Variants in NKAIN1 observed in about 807,000 individuals in gnomAD.
NKAIN1 encodes the protein sodium/potassium-transporting ATPase subunit beta-1-interacting protein 1.
Under a neutral mutation model 31.6 loss-of-function variants are expected in NKAIN1, and 13 were observed. The observed-to-expected ratio is 0.41, with a 90% CI of 0.27 to 0.65. The LOEUF (loss-of-function observed/expected upper bound fraction) is 0.65. Ranked by LOEUF, NKAIN1 falls within the 30% of genes least tolerant of loss-of-function variation. The pLI, the probability that NKAIN1 is intolerant of heterozygous loss-of-function variation, is 0.30. For synonymous variants in NKAIN1, 104 were observed against 109.0 expected, an observed-to-expected ratio of 0.95 and a Z score of 0.28; for missense variants, 193 against 262.2, an observed-to-expected ratio of 0.74 and a Z score of 1.82.
intron 4 of NKAIN1, among the ~76,000 whole-genome samples, chr1:31,183,396 A>AC (rs1470403920): frequency 6.7e-6 from 1 of 150,218 alleles, no homozygotes; most frequent in East Asian, 2.0e-4. Context: ...ACAGATCCAG[A>AC]CAAAAGGACA....
In NKAIN1 at chr1:31,196,328, A is replaced by G. The variant is rs184954266; in HGVS notation, c.55-8141T>C. 4.2e-3 allele frequency among the ~76,000 whole-genome samples: 638 copies of G among 152,180 alleles called. 37 individuals are homozygous for G. In the East Asian group the frequency reaches 0.099, roughly 24 times the overall value. On this transcript the variant is annotated intron_variant, in intron 1 of 6. Coordinates refer to ENST00000373736, the MANE Select transcript of NKAIN1 (RefSeq NM_024522.3). Reference sequence around the variant, plus strand: ...GGAGATCGAGACCATCCTGGCTAACATGGTGAAACCCTGTCTCTACTAAAA... The same window carrying G: ...GGAGATCGAGACCATCCTGGCTAACGTGGTGAAACCCTGTCTCTACTAAAA...
At chr1:31,219,240 T>C (rs1208221463) in intron 1 of NKAIN1, among the ~76,000 whole-genome samples, 1 of 152,380 alleles carries the variant, frequency 6.6e-6, no homozygotes, top group Non-Finnish European at 1.5e-5. Flanking sequence ...TCTTTCAGCA[T>C]ATGGGAAAGC....
chr1:31,188,458 C>T, intron 1 of NKAIN1: 1 of 385,890 alleles, frequency 2.6e-6, no homozygotes, highest in Admixed American at 4.2e-5. Flanking sequence ...CAAGCTCCTG[C>T]ACCTTCTCCA....
intron 1 of NKAIN1, among the ~76,000 whole-genome samples, chr1:31,231,135 C>T (rs1050874702): frequency 4.0e-5 from 6 of 151,750 alleles, no homozygotes; most frequent in East Asian, 1.9e-4. Flanking sequence ...CCACCCGCCT[C>T]GGCCTCCCAG....
At chr1:31,195,140 T>C (rs2148352637) in intron 1 of NKAIN1, among the ~76,000 whole-genome samples, 1 of 144,738 alleles carries the variant, frequency 6.9e-6, no homozygotes, top group Non-Finnish European at 1.5e-5. Context: ...TTTTTTTTTT[T>C]TGAGTCTCGC....
At chr1:31,188,357 G>T in intron 1 of NKAIN1, 170 bp from the exon 2 acceptor site, 1 of 693,832 alleles carries the variant, frequency 1.4e-6, no homozygotes, top group Non-Finnish European at 2.4e-6. Flanking sequence ...CCTTAAGCCT[G>T]ATCATCACTT....
intron 1 of NKAIN1, among the ~76,000 whole-genome samples, chr1:31,201,193 C>A (rs922012227): frequency 1.3e-5 from 2 of 152,038 alleles, no homozygotes; most frequent in African/African-American, 4.8e-5. Flanking sequence ...CTTGCCCTTT[C>A]CCTCCTCAGA....
At chr1:31,195,465 C>T (rs768268865) in intron 1 of NKAIN1, among the ~76,000 whole-genome samples, 7 of 152,042 alleles carry the variant, frequency 4.6e-5, no homozygotes, top group African/African-American at 7.2e-5. Context: ...GCCCTGCCGC[C>T]GCGGCTGGCC....
At chr1:31,231,608 G>A (rs910832425) in intron 1 of NKAIN1, among the ~76,000 whole-genome samples, 5 of 152,128 alleles carry the variant, frequency 3.3e-5, no homozygotes, top group South Asian at 2.1e-4. Context: ...TCAGCTCACT[G>A]CAAGCTCCGC....
At chr1:31,205,946 G>T (rs535046389) in intron 1 of NKAIN1, among the ~76,000 whole-genome samples, 1 of 151,054 alleles carries the variant, frequency 6.6e-6, no homozygotes, top group African/African-American at 2.4e-5. Flanking sequence ...TAAACTCTCC[G>T]GTTTAGGCCA....
intron 3 of NKAIN1, among the ~76,000 whole-genome samples, chr1:31,184,331 CCT>C (rs1645226587): frequency 6.6e-6 from 1 of 152,114 alleles, no homozygotes; most frequent in Admixed American, 6.5e-5. Context: ...CACTGCTCCC[CCT>C]GTGTGCGACC....
chr1:31,204,768 G>A (rs192691537), intron 1 of NKAIN1, among the ~76,000 whole-genome samples: 13 of 152,290 alleles, frequency 8.5e-5, no homozygotes, highest in African/African-American at 3.1e-4. Context: ...TTAATGAAGC[G>A]GGCACTTAGG....
intron 1 of NKAIN1, among the ~76,000 whole-genome samples, chr1:31,224,007 T>C (rs1645583469): frequency 6.6e-6 from 1 of 152,198 alleles, no homozygotes. Context: ...TCTAACTCAG[T>C]ATGCAAGACA....
At chr1:31,226,984 C>T (rs1645613154) in intron 1 of NKAIN1, among the ~76,000 whole-genome samples, 1 of 151,702 alleles carries the variant, frequency 6.6e-6, no homozygotes, top group Non-Finnish European at 1.5e-5. Flanking sequence ...GCCACCACAC[C>T]CAGCTAATTT....
chr1:31,232,923 C>T (rs143207472), intron 1 of NKAIN1, among the ~76,000 whole-genome samples: 185 of 152,182 alleles, frequency 1.2e-3, no homozygotes, highest in Non-Finnish European at 2.4e-3. Flanking sequence ...GGTATAAAAA[C>T]CACACCTATC....
intron 1 of NKAIN1, among the ~76,000 whole-genome samples, chr1:31,213,231 G>A (rs1645484541): frequency 6.6e-6 from 1 of 151,782 alleles, no homozygotes; most frequent in Non-Finnish European, 1.5e-5. Flanking sequence ...AAGAACTTTT[G>A]CAATTCACCA....
At chr1:31,195,948 A>G (rs1307385950) in intron 1 of NKAIN1, among the ~76,000 whole-genome samples, 1 of 150,710 alleles carries the variant, frequency 6.6e-6, no homozygotes, top group Non-Finnish European at 1.5e-5. Context: ...AGCCTTATCT[A>G]TCTCAACACT....
intron 1 of NKAIN1, among the ~76,000 whole-genome samples, chr1:31,226,312 C>A (rs1300057771): frequency 8.3e-5 from 12 of 145,176 alleles, no homozygotes; most frequent in South Asian, 4.3e-4. Context: ...AGAAATGCAG[C>A]AAAAAAAAAA....
chr1:31,214,266 A>G (rs1029860851), intron 1 of NKAIN1, among the ~76,000 whole-genome samples: 8 of 152,038 alleles, frequency 5.3e-5, no homozygotes, highest in African/African-American at 1.7e-4. Context: ...AGTGGTTGCC[A>G]GAAGCTGGTG....
Sources: allele counts gnomAD v4.1 joint callset (sites outside exome capture counted in the v4.1 genomes callset), GRCh38; gene constraint gnomAD v4.1.1; transcripts MANE v1.5; gene names NCBI Gene and HGNC (gene_info 2026-07-23, HGNC 2026-07-21).